SLC5A9: variants seen among roughly 807,000 people sequenced by gnomAD.
The protein encoded by SLC5A9 is solute carrier family 5 member 9.
In SLC5A9, 59 loss-of-function variants were observed where a neutral mutation model predicts 70.9. The ratio of observed to expected loss-of-function variants is 0.83; its 90% CI spans 0.68 to 1.03. SLC5A9 has a LOEUF of 1.03. SLC5A9 is among the 50% of genes least tolerant of loss of function. SLC5A9 has a pLI of 0.00. For missense variants in SLC5A9, 832 were observed against 881.1 expected (o/e 0.94, Z 0.71); for synonymous variants, 340 against 346.5 (o/e 0.98, Z 0.21).
At chr1:48,223,140 A>T (rs1029955926) in intron 1 of SLC5A9, among the ~76,000 whole-genome samples, 1 of 151,048 alleles carries the variant, frequency 6.6e-6, no homozygotes, top group Non-Finnish European at 1.5e-5. Context: ...CCGACTCCTG[A>T]CTCCTCTCTG....
chr1:48,231,915 C>CA, intron 6 of SLC5A9, 31 bp from the exon 7 acceptor site: 1 of 1,613,254 alleles, frequency 6.2e-7, no homozygotes, highest in Non-Finnish European at 8.5e-7. Context: ...AGTGGGGTTT[C>CA]AGGGCTGCTT....
intron 12 of SLC5A9, 41 bp from the exon 13 acceptor site, chr1:48,242,414 TTC>T: frequency 1.3e-6 from 2 of 1,543,770 alleles, no homozygotes; most frequent in East Asian, 4.6e-5. Flanking sequence ...ACAGCATGAC[TTC>T]TCTCCAAGGC....
In SLC5A9 at chr1:48,235,834, G is replaced by T; in HGVS notation, c.1247G>T (p.Arg416Leu). The change falls in exon 10 of 14, where the codon CGC becomes CTC. Residue 416 changes from arginine (R) to leucine (L), a missense_variant. Physicochemically the swap from Arg to Leu is moderately radical, Grantham distance 102. Coordinates refer to ENST00000438567, the MANE Select transcript of SLC5A9 (RefSeq NM_001011547.3). ...CTGTTCACCATTGATGTGTGGCAGC[G>T]CTTCCGCAGGAAGTCAACAGAGCAG... ...STLFTIDVWQ[R>L]FRRKSTEQEL... 6.2e-7 allele frequency: 1 copy of T among 1,614,224 alleles called. No individual in the cohort carries two copies. Among genetic ancestry groups the T allele is most frequent in the Non-Finnish European group, 8.5e-7 (1 of 1,180,036 alleles).
intron 3 of SLC5A9, 48 bp downstream of exon 3, chr1:48,229,002 CCT>C (rs1232829580): frequency 6.2e-7 from 1 of 1,613,146 alleles, no homozygotes; most frequent in Non-Finnish European, 8.5e-7. Context: ...GTCTAACCCA[CCT>C]CTGTCTCTGG....
chr1:48,224,639 G>A (rs527327346), intron 1 of SLC5A9, 85 bp from the exon 2 acceptor site: 40 of 1,390,694 alleles, frequency 2.9e-5, no homozygotes, highest in African/African-American at 2.3e-4. Flanking sequence ...TGCCTGCACC[G>A]AGGGGAAGGA....
At chr1:48,233,893 C>T (rs4926721) in intron 9 of SLC5A9, 131 bp downstream of exon 9, 542,624 of 685,132 alleles carry the variant, frequency 0.79, 218,877 homozygotes, top group East Asian at 0.98. Flanking sequence ...ACCCCCATCC[C>T]AACACATACA....
chr1:48,235,772 G>A lies in SLC5A9; in HGVS notation c.1185G>A (p.Met395Ile). ...LMIAVIMAALMSSLTSIFNSS... is the reference protein window; with the variant it reads ...LMIAVIMAALISSLTSIFNSS... ...TTGCCGTGATCATGGCCGCTCTCAT[G>A]AGCTCACTCACCTCCATCTTCAACA... Residue 395 changes from methionine (M) to isoleucine (I), a missense_variant, in exon 10 of 14, where the codon ATG becomes ATA. Coordinates refer to ENST00000438567, the MANE Select transcript of SLC5A9 (RefSeq NM_001011547.3). 5 of 1,614,214 alleles carry A rather than the reference G, an allele frequency of 3.1e-6. No individual in the cohort carries two copies. The highest frequency in any genetic ancestry group is 3.4e-6 in the Non-Finnish European group (4 of 1,180,048).
At position 48,230,624 on chromosome 1, in the gene SLC5A9, T is replaced by G; in HGVS notation, c.529T>G (p.Phe177Val). The G allele has an allele frequency of 6.2e-7, 1 of 1,614,038 alleles. No individual in the cohort carries two copies. The highest frequency in any genetic ancestry group is 1.6e-4 in the Middle Eastern group (1 of 6,062). The change falls in exon 5 of 14, where the codon TTC becomes GTC. Residue 177 changes from phenylalanine (F) to valine (V), a missense_variant. Physicochemically the swap from Phe to Val is conservative, Grantham distance 50 (BLOSUM62 -1). Coordinates refer to ENST00000438567, the MANE Select transcript of SLC5A9 (RefSeq NM_001011547.3). ...ISTDIFSGAL[F>V]IQMALGWNLY... ...GACTGACATCTTCTCTGGAGCCCTC[T>G]TCATCCAGATGGCATTGGGCTGGAA... is the stretch of plus-strand genomic sequence containing the variant.
chr1:48,234,537 AG>A lies in SLC5A9; in HGVS notation c.1141+778del, dbSNP rs150152306. On this transcript the variant is annotated intron_variant, in intron 9 of 13. Coordinates refer to ENST00000438567, the MANE Select transcript of SLC5A9 (RefSeq NM_001011547.3). The stretch of plus-strand genomic sequence containing the variant: ...GTCAGTGGCATCAGAGATGGAGAGA[AG>A]GGATTTAAAGATGTTTGTGAGGTTG... Among the ~76,000 whole-genome samples the A allele has an allele frequency of 9.6e-3, 1,463 of 152,214 alleles. 20 individuals carry two copies. The highest frequency in any genetic ancestry group is 0.034 in the African/African-American group (1,396 of 41,514).
At position 48,232,512 on chromosome 1, in the gene SLC5A9, A is replaced by T. The variant is rs768472653; in HGVS notation, c.1033+10A>T. 1.2e-6 allele frequency: 2 copies of T among 1,614,004 alleles called. No homozygotes were observed. Among genetic ancestry groups the T allele is most frequent in the Admixed American group, 3.3e-5 (2 of 60,002 alleles). ...CGGGCCCTGTTCCCAGGTAAGAACG[A>T]GCCTTGCTCTCTGGGTATTGGGATC... is the stretch of plus-strand genomic sequence containing the variant. On this transcript the variant is annotated intron_variant, in intron 8 of 13. Transcript: ENST00000438567.
chr1:48,222,825 G>C lies in SLC5A9; in HGVS notation c.89G>C (p.Arg30Thr). The C allele has an allele frequency of 1.2e-6, 2 of 1,613,468 alleles. No homozygotes were observed. The highest frequency in any genetic ancestry group is 8.5e-7 in the Non-Finnish European group (1 of 1,179,450). The change falls in exon 1 of 14, where the codon AGA becomes ACA. Residue 30 changes from arginine to threonine, a missense_variant. By Grantham distance (71) the Arg-to-Thr change is moderately conservative. Coordinates refer to ENST00000438567, the MANE Select transcript of SLC5A9 (RefSeq NM_001011547.3). ...ETAPHIALDS[R>T]VGLHAYDISV... ...GCTCCACACATAGCACTGGACTCCA[G>C]AGTTGGTCTGCACGCCTACGACATC...
At position 48,246,633 on chromosome 1, in the gene SLC5A9, G is replaced by A. The variant is rs555869177; in HGVS notation, c.1838-702G>A. 2.1e-4 allele frequency among the ~76,000 whole-genome samples: 32 copies of A among 152,214 alleles called. 1 individual carries two copies. The highest frequency in any genetic ancestry group is 7.8e-4 in the Admixed American group (12 of 15,292). ...CCCCTTTCTCACCCCAAGGAAGCCC[G>A]TGTCTGCATGGGTTCGGTCTCGTGC... On this transcript the variant is annotated intron_variant, in intron 13 of 13. Transcript: ENST00000438567.
At chr1:48,245,365 C>T (rs1223669610) in intron 13 of SLC5A9, among the ~76,000 whole-genome samples, 1 of 152,102 alleles carries the variant, frequency 6.6e-6, no homozygotes, top group Non-Finnish European at 1.5e-5. Flanking sequence ...GGTCCCCATG[C>T]CAAGGGACAG....
At chr1:48,231,387 G>A (rs1644244737) in intron 5 of SLC5A9, among the ~76,000 whole-genome samples, 158 bp from the exon 6 acceptor site, 1 of 152,180 alleles carries the variant, frequency 6.6e-6, no homozygotes, top group South Asian at 2.1e-4. Flanking sequence ...AGGGAGAGAG[G>A]GGAACACTAG....
chr1:48,233,807 C>T (rs769437039), intron 9 of SLC5A9, 45 bp downstream of exon 9: 18 of 1,356,560 alleles, frequency 1.3e-5, no homozygotes, highest in Non-Finnish European at 1.6e-5. Context: ...CACCTCCAGC[C>T]TCCTCCAATC....
chr1:48,239,633 G>A lies in SLC5A9; in HGVS notation c.1677+96G>A. 2.5e-6 allele frequency: 3 copies of A among 1,193,250 alleles called. No homozygotes were observed. Among genetic ancestry groups the A allele is most frequent in the Non-Finnish European group, 3.7e-6 (3 of 814,574 alleles). 73.9% of individuals were successfully genotyped at this position (1,193,250 alleles called of 1,614,324 possible). On this transcript the variant is annotated intron_variant, in intron 12 of 13. Transcript: ENST00000438567. This position sits in a 1 kb window ranked among gnomAD's most constrained non-coding sequence, Gnocchi z 4.2. Reference sequence around the variant, plus strand: ...CTGACTTTTACTCTGTTGGGTTATGGTCTCCCCTGTGGCCACACAGATGTC... The same window carrying A: ...CTGACTTTTACTCTGTTGGGTTATGATCTCCCCTGTGGCCACACAGATGTC...
At chr1:48,232,639 G>T in intron 8 of SLC5A9, 137 bp downstream of exon 8, 2 of 1,161,898 alleles carry the variant, frequency 1.7e-6, no homozygotes, top group Non-Finnish European at 1.2e-6. Context: ...TACATAGCCG[G>T]TCATGGTGGC....
At chr1:48,238,594 T>A (rs1246134281) in intron 11 of SLC5A9, 1 of 152,232 alleles carries the variant, frequency 6.6e-6, no homozygotes, top group African/African-American at 2.4e-5. Flanking sequence ...CTCAAGGTCA[T>A]TGAAAATGAG....
At chr1:48,228,725 G>A in intron 2 of SLC5A9, 125 bp from the exon 3 acceptor site, 2 of 1,442,950 alleles carry the variant, frequency 1.4e-6, no homozygotes, top group East Asian at 4.9e-5. Flanking sequence ...ATGTATTTAT[G>A]AATGCAGTGC....
Sources: allele counts gnomAD v4.1 joint callset (sites outside exome capture counted in the v4.1 genomes callset), GRCh38; gene constraint gnomAD v4.1.1; non-coding constraint Gnocchi (gnomAD v3.1); transcripts MANE v1.5; gene names NCBI Gene and HGNC (gene_info 2026-07-23, HGNC 2026-07-21).